Variants in PPFIA1 observed in about 807,000 individuals in gnomAD.
PPFIA1 encodes PPFI scaffold protein A1.
Under a neutral mutation model 149.9 loss-of-function variants are expected in PPFIA1, and 25 were observed. The ratio of observed to expected loss-of-function variants is 0.17; its 90% CI spans 0.12 to 0.23. The LOEUF is 0.23. Among genes scored for constraint, PPFIA1 ranks in the 10% least tolerant of loss-of-function variants. PPFIA1 has a pLI of 1.00. For missense variants in PPFIA1, 1,362 were observed against 1,506.5 expected (o/e 0.90, Z 1.59); for synonymous variants, 549 against 552.8 (o/e 0.99, Z 0.10).
chr11:70,279,688 CG>C (rs994072872), intron 2 of PPFIA1, among the ~76,000 whole-genome samples: 1 of 146,102 alleles, frequency 6.8e-6, no homozygotes, highest in African/African-American at 2.6e-5. Context: ...TGCTCCTTTC[CG>C]TATTTTCTAG....
intron 2 of PPFIA1, among the ~76,000 whole-genome samples, chr11:70,306,065 C>T (rs1432634103): frequency 6.6e-6 from 1 of 152,126 alleles, no homozygotes; most frequent in Non-Finnish European, 1.5e-5. Flanking sequence ...CCTCATTTTG[C>T]ATGGTGGTAC....
intron 21 of PPFIA1, chr11:70,364,655 C>T (rs193242846): frequency 4.0e-4 from 61 of 152,324 alleles, no homozygotes; most frequent in African/African-American, 1.5e-3. Flanking sequence ...CCAAGAGCTC[C>T]TTTCCCACAG....
intron 2 of PPFIA1, among the ~76,000 whole-genome samples, chr11:70,324,126 TG>T (rs2054126240): frequency 6.6e-6 from 1 of 152,260 alleles, no homozygotes; most frequent in Admixed American, 6.5e-5. Flanking sequence ...TGGACTTCTC[TG>T]GCTGCTGAGA....
At chr11:70,324,799 A>C in intron 3 of PPFIA1, 48 bp from the exon 4 acceptor site, 1 of 1,451,608 alleles carries the variant, frequency 6.9e-7, no homozygotes, top group Middle Eastern at 2.4e-4. Flanking sequence ...TCAATCATGA[A>C]ATTAAAAATG....
intron 2 of PPFIA1, among the ~76,000 whole-genome samples, chr11:70,277,060 A>ATATATATTTT: frequency 8.3e-4 from 55 of 66,302 alleles, no homozygotes; most frequent in African/African-American, 6.3e-3. Flanking sequence ...ATATATATAT[A>ATATATATTTT]TTTTTTTTTT....
Position 70,272,571 on chromosome 11 carries a change from G to A in PPFIA1, c.264+135G>A, listed in dbSNP as rs770528895. The A allele has an allele frequency of 3.3e-5, 36 of 1,106,736 alleles. No homozygotes were observed. In the East Asian group the frequency reaches 5.5e-4, roughly 17 times the overall value. 68.6% of individuals were successfully genotyped at this position (1,106,736 alleles called of 1,614,324 possible). A position where few individuals can be genotyped will look rare whatever the true frequency, so the allele number is the denominator to read the frequency against. ...AAATGATAGTTTCTGGTGTTTGTAA[G>A]TCAAATACAAAGTTCCTAGGGATTA... is the stretch of plus-strand genomic sequence containing the variant. On this transcript the variant is annotated intron_variant, in intron 2 of 27. Coordinates refer to ENST00000253925, the MANE Select transcript of PPFIA1 (RefSeq NM_003626.5).
intron 7 of PPFIA1, among the ~76,000 whole-genome samples, chr11:70,329,280 T>C (rs1257335277): frequency 1.3e-5 from 2 of 152,210 alleles, no homozygotes; most frequent in Admixed American, 6.5e-5. Context: ...TATAATATTA[T>C]GTAGAAACAG....
chr11:70,275,063 T>C (rs1471673449), intron 2 of PPFIA1, among the ~76,000 whole-genome samples: 1 of 152,208 alleles, frequency 6.6e-6, no homozygotes, highest in Non-Finnish European at 1.5e-5. Context: ...ACCCCAGCAA[T>C]GTATGAGAAG....
intron 2 of PPFIA1, among the ~76,000 whole-genome samples, chr11:70,308,095 C>T (rs2052989157): frequency 6.6e-6 from 1 of 152,240 alleles, no homozygotes; most frequent in African/African-American, 2.4e-5. Context: ...GTTGCCTAGG[C>T]TGGAGTGCAA....
intron 19 of PPFIA1, among the ~76,000 whole-genome samples, chr11:70,360,820 A>G (rs1418416465): frequency 1.3e-5 from 2 of 152,278 alleles, no homozygotes; most frequent in African/African-American, 4.8e-5. Context: ...AAATTATTAT[A>G]GAAAAAATGG....
rs562420220 is a variant in PPFIA1 at position 70,355,154 on chromosome 11, C to T, written c.2316-485C>T. On this transcript the variant is annotated intron_variant, in intron 17 of 27. Coordinates refer to ENST00000253925, the MANE Select transcript of PPFIA1 (RefSeq NM_003626.5). ...TCCTGAGCTCATAATCTGCCCGCCTCGGCCTCCCAAAATGCTGGGATTACA... is the reference window on the plus strand; with the variant it reads ...TCCTGAGCTCATAATCTGCCCGCCTTGGCCTCCCAAAATGCTGGGATTACA... Among the ~76,000 whole-genome samples, 11 of 152,288 alleles carry T rather than the reference C, an allele frequency of 7.2e-5. No individual in the cohort carries two copies. In the East Asian group the frequency reaches 1.4e-3, roughly 19 times the overall value.
intron 2 of PPFIA1, among the ~76,000 whole-genome samples, chr11:70,300,819 C>T (rs1387561692): frequency 6.6e-6 from 1 of 152,204 alleles, no homozygotes; most frequent in Non-Finnish European, 1.5e-5. Context: ...AGGCATGAGC[C>T]ACCGCGCCCG....
chr11:70,320,260 C>G (rs1318174325), intron 2 of PPFIA1: 1 of 152,202 alleles, frequency 6.6e-6, no homozygotes, highest in Non-Finnish European at 1.5e-5. Context: ...AAGAGAAATA[C>G]CCTTCAGTAC....
chr11:70,380,798 C>T (rs920387580), intron 26 of PPFIA1, among the ~76,000 whole-genome samples: 1 of 151,630 alleles, frequency 6.6e-6, no homozygotes, highest in Non-Finnish European at 1.5e-5. Flanking sequence ...GACTTTTTAC[C>T]CTTACATTAA....
intron 2 of PPFIA1, among the ~76,000 whole-genome samples, chr11:70,274,070 A>G (rs1331292963): frequency 6.6e-6 from 1 of 152,172 alleles, no homozygotes; most frequent in Non-Finnish European, 1.5e-5. Context: ...GGATAACATG[A>G]TGATGCCAAC....
Position 70,332,031 on chromosome 11 carries a change from G to A in PPFIA1, c.1149G>A (p.Arg383=). Residue 383 remains arginine, a synonymous_variant, in exon 9 of 28, where the codon AGG becomes AGA. Coordinates refer to ENST00000253925, the MANE Select transcript of PPFIA1 (RefSeq NM_003626.5). ...LAEQKLQQTL[R]KAETLPEVEA... is the part of the protein sequence containing the mutation. ...AGCAAAAGCTGCAACAGACACTGAG[G>A]AAGGCAGAGACGCTCCCGGAGGTGG... 2 of 1,613,386 alleles carry A rather than the reference G, an allele frequency of 1.2e-6. No homozygotes were observed. The highest frequency in any genetic ancestry group is 1.7e-6 in the Non-Finnish European group (2 of 1,179,668).
chr11:70,279,282 C>T (rs1282518418), intron 2 of PPFIA1: 1 of 246,764 alleles, frequency 4.1e-6, no homozygotes, highest in Non-Finnish European at 7.9e-6. Context: ...TCCTTCCCAG[C>T]CTTACTGCCA....
chr11:70,317,157 A>AT (rs894956896), intron 2 of PPFIA1, among the ~76,000 whole-genome samples: 64 of 151,592 alleles, frequency 4.2e-4, no homozygotes, highest in Non-Finnish European at 7.2e-4. Context: ...TAAACTTAAC[A>AT]TTTTTTTTTC....
chr11:70,298,877 AGG>A (rs1216575583), intron 2 of PPFIA1, among the ~76,000 whole-genome samples: 1 of 152,232 alleles, frequency 6.6e-6, no homozygotes, highest in Non-Finnish European at 1.5e-5. Context: ...AGTAATTTAG[AGG>A]GTAAGTGTCT....
Sources: gnomAD v4.1 joint callset for allele counts (sites outside exome capture counted in the v4.1 genomes callset) on GRCh38, gnomAD v4.1.1 for gene constraint, MANE v1.5 for transcripts, NCBI Gene and HGNC (gene_info 2026-07-23, HGNC 2026-07-21) for gene names.